Variants in DPP10 observed in about 807,000 individuals in gnomAD.
DPP10 encodes the protein dipeptidyl peptidase like 10.
DPP10 carries 33 observed loss-of-function variants against 120.9 expected under a neutral mutation model. The ratio of observed to expected loss-of-function variants is 0.27; its 90% confidence interval spans 0.21 to 0.37. The LOEUF (loss-of-function observed/expected upper bound fraction) is 0.37, where lower values mean the gene tolerates loss of function less well. Among genes scored for constraint, DPP10 ranks in the 10% least tolerant of loss-of-function variants. The pLI, the probability that DPP10 is intolerant of heterozygous loss-of-function variation, is 1.00. For synonymous variants in DPP10, 337 were observed against 326.1 expected, an observed-to-expected ratio of 1.03 and a Z score of -0.36; for missense variants, 816 against 942.8, an observed-to-expected ratio of 0.87 and a Z score of 1.76.
Position 115,801,067 on chromosome 2 carries a change from G to A in DPP10, c.1700+9711G>A, listed in dbSNP as rs576246299. On this transcript the variant is annotated intron_variant, in intron 19 of 25. Transcript: ENST00000410059. ...CGATATTGATTCTTCCTACCCATGA[G>A]CATGGAATGTTCTTCCATTTGTTTG... 1.4e-4 allele frequency among the ~76,000 whole-genome samples: 21 copies of A among 152,244 alleles called. No individual in the cohort carries two copies. The South Asian group carries it at 3.5e-3, about 26-fold the overall frequency.
At chr2:114,782,561 G>C (rs1682430682) in intron 1 of DPP10, among the ~76,000 whole-genome samples, 1 of 151,936 alleles carries the variant, frequency 6.6e-6, no homozygotes, top group African/African-American at 2.4e-5. Context: ...ACCTATTTCT[G>C]AGAAGACATG....
chr2:114,820,424 T>C (rs933280992), intron 1 of DPP10, among the ~76,000 whole-genome samples: 2 of 152,226 alleles, frequency 1.3e-5, no homozygotes, highest in Admixed American at 6.5e-5. Context: ...CAACAGGTCT[T>C]TGATTTTTGA....
intron 3 of DPP10, among the ~76,000 whole-genome samples, chr2:115,462,290 C>T (rs983271783): frequency 4.6e-5 from 7 of 152,136 alleles, no homozygotes; most frequent in Non-Finnish European, 2.9e-5. Context: ...GGATCCATTC[C>T]CCTGGAGTTA....
chr2:114,945,229 T>C (rs1317863494), intron 1 of DPP10, among the ~76,000 whole-genome samples: 2 of 152,232 alleles, frequency 1.3e-5, no homozygotes, highest in Non-Finnish European at 2.9e-5. Context: ...TGTAACAAAT[T>C]GATACGTTGC....
intron 1 of DPP10, among the ~76,000 whole-genome samples, chr2:114,743,951 G>A (rs181713897): frequency 1.7e-4 from 26 of 152,170 alleles, no homozygotes; most frequent in East Asian, 3.9e-4. Context: ...TTACAAGATC[G>A]AAGGTTATAA....
chr2:115,804,119 T>G (rs989112177), intron 19 of DPP10, among the ~76,000 whole-genome samples: 9 of 152,200 alleles, frequency 5.9e-5, no homozygotes, highest in African/African-American at 2.2e-4. Flanking sequence ...TCTTGGAGGC[T>G]TTGTTCATTT....
At chr2:114,880,733 A>G (rs1691533824) in intron 1 of DPP10, among the ~76,000 whole-genome samples, 1 of 152,196 alleles carries the variant, frequency 6.6e-6, no homozygotes, top group Non-Finnish European at 1.5e-5. Flanking sequence ...TTTCAAACGG[A>G]TTCAAAAAAT....
chr2:115,286,602 G>C (rs2060414247), intron 1 of DPP10, among the ~76,000 whole-genome samples: 1 of 140,964 alleles, frequency 7.1e-6, no homozygotes, highest in Non-Finnish European at 1.5e-5. Context: ...AATGGCAACT[G>C]GGATAGTGTT....
At chr2:115,495,725 A>G (rs1489137035) in intron 3 of DPP10, among the ~76,000 whole-genome samples, 2 of 152,154 alleles carry the variant, frequency 1.3e-5, no homozygotes, top group Non-Finnish European at 2.9e-5. Context: ...GCAGACTGAA[A>G]ATACGTGCTT....
intron 3 of DPP10, among the ~76,000 whole-genome samples, chr2:115,441,925 C>T (rs1233417539): frequency 6.6e-6 from 1 of 150,532 alleles, no homozygotes; most frequent in Non-Finnish European, 1.5e-5. Context: ...AAGTGATTCT[C>T]CTGCCTCAGC....
intron 1 of DPP10, among the ~76,000 whole-genome samples, chr2:115,077,321 G>T (rs1462218196): frequency 6.6e-6 from 1 of 151,970 alleles, no homozygotes; most frequent in Admixed American, 6.6e-5. Flanking sequence ...TAATTAAAAA[G>T]ATAAAAGAAT....
chr2:115,617,023 T>C (rs1349001612), intron 5 of DPP10, among the ~76,000 whole-genome samples: 1 of 150,724 alleles, frequency 6.6e-6, no homozygotes, highest in African/African-American at 2.4e-5. Flanking sequence ...TTTTTACATG[T>C]CCCCATGTTA....
chr2:115,826,022 TC>T (rs1219162262), intron 21 of DPP10, among the ~76,000 whole-genome samples: 4 of 152,236 alleles, frequency 2.6e-5, no homozygotes, highest in African/African-American at 9.6e-5. Flanking sequence ...ACTGGTAGCA[TC>T]AGGTCACTTG....
chr2:115,078,710 G>A (rs1465683560), intron 1 of DPP10, among the ~76,000 whole-genome samples: 2 of 152,198 alleles, frequency 1.3e-5, no homozygotes, highest in East Asian at 1.9e-4. Flanking sequence ...TATACAACAC[G>A]GGATTGGTCA....
chr2:115,347,739 T>G (rs796781038), intron 3 of DPP10, among the ~76,000 whole-genome samples: 1 of 152,252 alleles, frequency 6.6e-6, no homozygotes, highest in African/African-American at 2.4e-5. Context: ...TTTGTTTGTT[T>G]TTCTGTCCTT....
intron 1 of DPP10, among the ~76,000 whole-genome samples, chr2:114,487,031 A>G (rs1319238400): frequency 2.0e-5 from 3 of 152,198 alleles, no homozygotes; most frequent in Non-Finnish European, 4.4e-5. Context: ...AGTGCTAAAA[A>G]AATGAGAAGT....
intron 3 of DPP10, among the ~76,000 whole-genome samples, chr2:115,449,148 G>A (rs697825): frequency 0.83 from 125,899 of 152,104 alleles, 55,149 homozygotes; most frequent in Non-Finnish European, 0.97. Flanking sequence ...TTTGATTTAC[G>A]CAAAAAAATT....
chr2:115,726,911 G>GA (rs1456066015), intron 7 of DPP10, among the ~76,000 whole-genome samples: 1 of 149,442 alleles, frequency 6.7e-6, no homozygotes, highest in Non-Finnish European at 1.5e-5. Context: ...CTTCTTAGTA[G>GA]AATGTTTGAT....
rs562840712 is a variant in DPP10, at chr2:114,492,428, C to T, written c.60+49590C>T. Among the ~76,000 whole-genome samples, 13 of 151,860 alleles carry T rather than the reference C, an allele frequency of 8.6e-5. No homozygotes were observed. In the East Asian group the frequency reaches 1.4e-3, roughly 16 times the overall value. ...TTTGATTGAATAATAGTAACAGCAACGGTAGGAACACACATATGTGCAACT... is the reference window on the plus strand; with the variant it reads ...TTTGATTGAATAATAGTAACAGCAATGGTAGGAACACACATATGTGCAACT... On this transcript the variant is annotated intron_variant, in intron 1 of 25. Transcript: ENST00000410059.
Sources: allele counts gnomAD v4.1 joint callset (sites outside exome capture counted in the v4.1 genomes callset), GRCh38; gene constraint gnomAD v4.1.1; transcripts MANE v1.5; gene names NCBI Gene and HGNC (gene_info 2026-07-23, HGNC 2026-07-21).